PNPLA7: variants seen among roughly 807,000 people sequenced by gnomAD.
PNPLA7 encodes the protein patatin-like phospholipase domain-containing protein 7.
In PNPLA7, 153 loss-of-function variants were observed where a neutral mutation model predicts 161.7. The observed-to-expected ratio is 0.95, with a 90% CI of 0.83 to 1.08. The LOEUF (loss-of-function observed/expected upper bound fraction) is 1.08. Ranked by LOEUF, PNPLA7 falls within the 50% of genes least tolerant of loss-of-function variation. The pLI, the probability that PNPLA7 is intolerant of heterozygous loss-of-function variation, is 0.00. For missense variants in PNPLA7, 1,739 were observed against 1,856.6 expected (o/e 0.94, Z 1.16); for synonymous variants, 809 against 782.1 (o/e 1.03, Z -0.57).
At chr9:137,526,426 C>T (rs1472297456) in intron 8 of PNPLA7, among the ~76,000 whole-genome samples, 1 of 152,168 alleles carries the variant, frequency 6.6e-6, no homozygotes, top group Non-Finnish European at 1.5e-5. Context: ...TACAGGCGCC[C>T]GCCACCATGC....
At chr9:137,472,158 T>TG (rs1831735667) in intron 25 of PNPLA7, among the ~76,000 whole-genome samples, 1 of 151,734 alleles carries the variant, frequency 6.6e-6, no homozygotes, top group Non-Finnish European at 1.5e-5. Context: ...CTGGATCTGA[T>TG]GGAGGCCTCA....
At chr9:137,513,202 G>C (rs1834328837) in intron 12 of PNPLA7, among the ~76,000 whole-genome samples, 1 of 151,928 alleles carries the variant, frequency 6.6e-6, no homozygotes, top group Non-Finnish European at 1.5e-5. Context: ...AATAAAAATA[G>C]TCTTTGAGGC....
At chr9:137,488,047 A>G (rs535354617) in intron 20 of PNPLA7, among the ~76,000 whole-genome samples, 77 of 152,362 alleles carry the variant, frequency 5.1e-4, no homozygotes, top group Non-Finnish European at 6.6e-4. Context: ...CAGATAGCAA[A>G]CAAACAATGC....
At chr9:137,502,880 G>T (rs1487609395) in intron 14 of PNPLA7, among the ~76,000 whole-genome samples, 2 of 151,674 alleles carry the variant, frequency 1.3e-5, no homozygotes, top group Non-Finnish European at 2.9e-5. Context: ...GGTTAGAGAT[G>T]AATCCTGAAA....
In PNPLA7 at chr9:137,460,457, C is replaced by T. The variant is rs776279157; in HGVS notation, c.3965G>A (p.Arg1322Gln). Residue 1322 changes from arginine to glutamine, a missense_variant, in exon 35 of 35, where the codon CGG becomes CAG. Physicochemically the swap from Arg to Gln is conservative, Grantham distance 43 (BLOSUM62 1). Coordinates refer to ENST00000406427, the MANE Select transcript of PNPLA7 (RefSeq NM_001098537.3). ...GAAAGCCAGACTGGGGTGTCGATGC[C>T]GCAGTGAGGACTCGTCCTCCTGCAA... ...GSDLEDESSLRHRHPSLAFPK... is the reference protein window; with the variant it reads ...GSDLEDESSLQHRHPSLAFPK... The T allele has an allele frequency of 2.5e-6, 4 of 1,612,536 alleles. No homozygotes were observed. Among genetic ancestry groups the T allele is most frequent in the Non-Finnish European group, 3.4e-6 (4 of 1,179,930 alleles).
At chr9:137,533,218 A>G (rs1835676123) in intron 8 of PNPLA7, among the ~76,000 whole-genome samples, 1 of 145,222 alleles carries the variant, frequency 6.9e-6, no homozygotes, top group Admixed American at 6.8e-5. Context: ...GTCCTCCCCA[A>G]CAGTGTCCAC....
chr9:137,538,771 G>A (rs1009959970), intron 8 of PNPLA7, among the ~76,000 whole-genome samples: 1 of 152,248 alleles, frequency 6.6e-6, no homozygotes, highest in African/African-American at 2.4e-5. Flanking sequence ...CAGTTAATGG[G>A]CCAAGCGCGG....
chr9:137,538,980 A>C (rs991889890), intron 8 of PNPLA7, among the ~76,000 whole-genome samples: 20 of 152,232 alleles, frequency 1.3e-4, no homozygotes, highest in Non-Finnish European at 7.3e-5. Context: ...TGAACCTGGA[A>C]GATAGTGGCT....
At chr9:137,532,137 A>C (rs1835612722) in intron 8 of PNPLA7, among the ~76,000 whole-genome samples, 1 of 152,198 alleles carries the variant, frequency 6.6e-6, no homozygotes, top group Admixed American at 6.5e-5. Flanking sequence ...ACTATCTCCC[A>C]TTAAAAATGG....
At chr9:137,477,185 G>T (rs1278104368) in intron 25 of PNPLA7, among the ~76,000 whole-genome samples, 1 of 152,252 alleles carries the variant, frequency 6.6e-6, no homozygotes, top group Non-Finnish European at 1.5e-5. Flanking sequence ...CAGCAGAGGG[G>T]CACATGCCTG....
rs1042954649 is a variant in PNPLA7, at chr9:137,499,199, GACAC to G, written c.1758-958_1758-955del. ...ACACGGAGACACACGGACACAGGCA[GACAC>G]ACAGGCACACCGAGACACACACAGA... is the stretch of plus-strand genomic sequence containing the variant. On this transcript the variant is annotated intron_variant, in intron 16 of 34. Transcript: ENST00000406427. The surrounding 1 kb of genome is among the most constrained non-coding windows in gnomAD (Gnocchi z 5.5). Among the ~76,000 whole-genome samples, 3 of 147,030 alleles carry G rather than the reference GACAC, an allele frequency of 2.0e-5. No homozygotes were observed. The highest frequency in any genetic ancestry group is 7.6e-5 in the African/African-American group (3 of 39,566).
chr9:137,470,257 C>A (rs1444372567), intron 25 of PNPLA7, among the ~76,000 whole-genome samples: 2 of 152,184 alleles, frequency 1.3e-5, no homozygotes, highest in Non-Finnish European at 2.9e-5. Context: ...CTCAAGAAAT[C>A]CTCCCTCCTT....
chr9:137,491,951 GAC>G (rs1832783567), intron 20 of PNPLA7: 1 of 985,346 alleles, frequency 1.0e-6, no homozygotes, highest in Non-Finnish European at 1.2e-6. Context: ...GGAGATGCAG[GAC>G]ACGCGGGAGC....
At chr9:137,536,376 C>T (rs1835889802) in intron 8 of PNPLA7, among the ~76,000 whole-genome samples, 1 of 151,976 alleles carries the variant, frequency 6.6e-6, no homozygotes, top group South Asian at 2.1e-4. Context: ...GGCGTCTGGA[C>T]AGCAGGCCTG....
chr9:137,478,232 G>GA (rs1564290729), intron 24 of PNPLA7, 80 bp from the exon 25 acceptor site: 3 of 1,095,564 alleles, frequency 2.7e-6, no homozygotes, highest in Non-Finnish European at 1.2e-6. Flanking sequence ...TGACTGGGGG[G>GA]AGTTTCCTCC....
intron 25 of PNPLA7, among the ~76,000 whole-genome samples, chr9:137,473,245 T>C (rs750603385): frequency 9.2e-5 from 14 of 152,192 alleles, no homozygotes; most frequent in South Asian, 2.1e-4. Context: ...GGTGGGGACA[T>C]GGCCAAACCA....
At chr9:137,474,973 C>T (rs963839203) in intron 25 of PNPLA7, among the ~76,000 whole-genome samples, 1 of 130,128 alleles carries the variant, frequency 7.7e-6, no homozygotes, top group African/African-American at 3.3e-5. Context: ...GGGAGCCGAG[C>T]CGAGATCGCT....
In PNPLA7 at chr9:137,505,634, G is replaced by A. The variant is rs192479961; in HGVS notation, c.1453C>T (p.Leu485Phe). Residue 485 changes from leucine (L) to phenylalanine (F), a missense_variant, in exon 14 of 35, where the codon CTC becomes TTC. Transcript: ENST00000406427. Reference protein sequence around the residue: ...AIFRAAKKDLLTLMKLEDSSL... With the variant: ...AIFRAAKKDLFTLMKLEDSSL... ...CTCACTTCCAGCTTCATCAGGGTGAGCAGGTCCTTCTTGGCAGCTCTGAAG... is the reference window on the plus strand; with the variant it reads ...CTCACTTCCAGCTTCATCAGGGTGAACAGGTCCTTCTTGGCAGCTCTGAAG... The A allele has an allele frequency of 6.2e-7, 1 of 1,614,070 alleles. No homozygotes were observed. The highest frequency in any genetic ancestry group is 1.3e-5 in the African/African-American group (1 of 75,070).
At chr9:137,533,231 C>A (rs1053293527) in intron 8 of PNPLA7, among the ~76,000 whole-genome samples, 1 of 147,884 alleles carries the variant, frequency 6.8e-6, no homozygotes, top group South Asian at 2.2e-4. Context: ...GTGTCCACTC[C>A]AGGCGGGAGG....
Sources: gnomAD v4.1 joint callset for allele counts (sites outside exome capture counted in the v4.1 genomes callset) on GRCh38, gnomAD v4.1.1 for gene constraint, Gnocchi (gnomAD v3.1) non-coding constraint, MANE v1.5 for transcripts, NCBI Gene and HGNC (gene_info 2026-07-23, HGNC 2026-07-21) for gene names.